Variants in ACBD5 observed in about 807,000 individuals in gnomAD.
ACBD5 encodes the protein acyl-CoA binding domain containing 5.
Under a neutral mutation model 71.8 loss-of-function variants are expected in ACBD5, and 40 were observed. The observed-to-expected ratio is 0.56, with a 90% CI of 0.43 to 0.72. ACBD5 has a LOEUF of 0.72. ACBD5 is among the 30% of genes least tolerant of loss of function. ACBD5 has a pLI of 0.00. For missense variants in ACBD5, 559 were observed against 644.5 expected, an observed-to-expected ratio of 0.87 and a Z score of 1.44; for synonymous variants, 229 against 218.6, an observed-to-expected ratio of 1.05 and a Z score of -0.42.
chr10:27,240,505 G>C lies in ACBD5; in HGVS notation c.16-21C>G, dbSNP rs2065349346. ...TGAAACTGGAACATGGAGCGCAGCC[G>C]CGGATCAACATGCCCCAAAAGGAGG... On this transcript the variant is annotated intron_variant, in intron 1 of 12. Transcript: ENST00000396271. This position sits in a 1 kb window ranked among gnomAD's most constrained non-coding sequence, Gnocchi z 4.1. The C allele has an allele frequency of 1.3e-6, 2 of 1,585,692 alleles. No individual in the cohort carries two copies. Among genetic ancestry groups the C allele is most frequent in the Middle Eastern group, 1.7e-4 (1 of 6,026 alleles).
At chr10:27,225,140 A>G (rs2479910) in intron 4 of ACBD5, among the ~76,000 whole-genome samples, 148,835 of 149,782 alleles carry the variant, frequency 0.99, 73,952 homozygotes, top group Middle Eastern at 1. Flanking sequence ...GTGCAGCGGC[A>G]CGATCTCGGC....
chr10:27,226,745 G>C (rs367926151), intron 4 of ACBD5, among the ~76,000 whole-genome samples: 1 of 151,678 alleles, frequency 6.6e-6, no homozygotes, highest in African/African-American at 2.4e-5. Context: ...TCTGCCTCTG[G>C]GGTTCAAGCA....
rs998667133 is a variant in ACBD5, at chr10:27,196,878, G to A, written c.*552C>T. ...AAACTCAAGAGTTGTGAATGCCCAA[G>A]AAAGATTATGGGCAGCCCACAAAGT... is the stretch of plus-strand genomic sequence containing the variant. On this transcript the variant is annotated 3_prime_UTR_variant, in exon 13 of 13. Coordinates refer to ENST00000396271, the MANE Select transcript of ACBD5 (RefSeq NM_145698.5). 1.5e-5 allele frequency: 7 copies of A among 453,962 alleles called. No homozygotes were observed. Among genetic ancestry groups the A allele is most frequent in the Non-Finnish European group, 2.6e-5 (6 of 226,790 alleles). The allele number at this position is 453,962 out of a possible 1,614,324, so 28.1% of individuals were successfully genotyped here.
At chr10:27,191,621 C>T (rs183189069), downstream of ACBD5, among the ~76,000 whole-genome samples, 2 of 152,294 alleles carry the variant, frequency 1.3e-5, no homozygotes, top group Admixed American at 1.3e-4. Flanking sequence ...CGGTGGCTCA[C>T]GCCTGTAAGC....
intron 9 of ACBD5, among the ~76,000 whole-genome samples, chr10:27,209,174 C>T (rs1589086232): frequency 6.6e-6 from 1 of 152,014 alleles, no homozygotes; most frequent in East Asian, 1.9e-4. Flanking sequence ...ATCCACCTGC[C>T]CTGGACTCCC....
intron 3 of ACBD5, among the ~76,000 whole-genome samples, chr10:27,233,038 G>A (rs559285867): frequency 6.6e-6 from 1 of 152,248 alleles, no homozygotes; most frequent in Admixed American, 6.5e-5. Flanking sequence ...TTAAAGGAAA[G>A]TAGAGAACTA....
At chr10:27,192,031 G>T (rs997384227), downstream of ACBD5, among the ~76,000 whole-genome samples, 4 of 151,916 alleles carry the variant, frequency 2.6e-5, no homozygotes, top group Non-Finnish European at 1.5e-5. Flanking sequence ...AAATACAAAA[G>T]ATTTTTAAAA....
At chr10:27,232,563 T>A (rs950011191) in intron 3 of ACBD5, among the ~76,000 whole-genome samples, 1 of 152,064 alleles carries the variant, frequency 6.6e-6, no homozygotes, top group Admixed American at 6.6e-5. Context: ...CCTAACCTCA[T>A]GTGATCCACT....
downstream of ACBD5, among the ~76,000 whole-genome samples, chr10:27,194,865 A>G (rs558504467): frequency 2.7e-5 from 4 of 150,730 alleles, no homozygotes; most frequent in South Asian, 2.1e-4. Flanking sequence ...GAGTGGTGGC[A>G]CGTGCCTGTA....
At chr10:27,199,252 G>A (rs773544449) in intron 12 of ACBD5, among the ~76,000 whole-genome samples, 5 of 150,618 alleles carry the variant, frequency 3.3e-5, no homozygotes, top group South Asian at 2.1e-4. Flanking sequence ...GCAGTGGCGC[G>A]CGACCTCGGC....
At position 27,204,524 on chromosome 10, in the gene ACBD5, A is replaced by G. The variant is rs984349329; in HGVS notation, c.1481T>C (p.Met494Thr). 1.9e-6 allele frequency: 3 copies of G among 1,614,102 alleles called. No homozygotes were observed. The highest frequency in any genetic ancestry group is 2.2e-5 in the South Asian group (2 of 91,086). Residue 494 changes from methionine (M) to threonine (T), a missense_variant, in exon 12 of 13, where the codon ATG becomes ACG. Met to Thr is a moderately conservative substitution (Grantham distance 81). Transcript: ENST00000396271. ...GGCAAACGTTAGCACACCAGGAGAC[A>G]TCTCGAAGGGCCACCAAGATGGTCT... is the stretch of plus-strand genomic sequence containing the variant. ...SQRPSWWPFE[M>T]SPGVLTFAII... is the part of the protein sequence containing the mutation.
downstream of ACBD5, among the ~76,000 whole-genome samples, chr10:27,194,405 G>A (rs1333920558): frequency 6.6e-6 from 1 of 150,380 alleles, no homozygotes; most frequent in African/African-American, 2.4e-5. Flanking sequence ...GAGGTCAGGA[G>A]TTCAAGACCA....
chr10:27,186,272 A>G lies in ACBD5; in HGVS notation c.1494-3557T>C. ...AATGTCTGTGAAACTGACATAATAA[A>G]GTAAGGTAAGTTATATGTGAGACAT... On this transcript the variant is annotated intron_variant, in intron 13 of 13. Transcript: ENST00000676511. 8 of 1,139,018 alleles carry G rather than the reference A, an allele frequency of 7.0e-6. No homozygotes were observed. The Admixed American group carries it at 1.5e-4, about 21-fold the overall frequency. 70.6% of individuals were successfully genotyped at this position (1,139,018 alleles called of 1,614,324 possible).
At chr10:27,231,531 A>G (rs1220522827) in intron 4 of ACBD5, among the ~76,000 whole-genome samples, 3 of 152,232 alleles carry the variant, frequency 2.0e-5, no homozygotes, top group African/African-American at 7.2e-5. Context: ...CAAAAACAAA[A>G]TAAAACATCA....
chr10:27,198,741 T>A (rs1267074508), intron 12 of ACBD5, among the ~76,000 whole-genome samples: 3 of 152,130 alleles, frequency 2.0e-5, no homozygotes, highest in African/African-American at 7.2e-5. Context: ...AGCTTCAGGG[T>A]GCCTGAACAA....
intron 3 of ACBD5, among the ~76,000 whole-genome samples, chr10:27,234,293 A>G (rs750548566): frequency 7.9e-5 from 12 of 152,172 alleles, no homozygotes; most frequent in Non-Finnish European, 1.6e-4. Context: ...ATAAAAGATC[A>G]AATTTCTATT....
At chr10:27,198,132 T>C (rs2059543030) in intron 12 of ACBD5, among the ~76,000 whole-genome samples, 2 of 152,326 alleles carry the variant, frequency 1.3e-5, no homozygotes, top group Admixed American at 6.5e-5. Flanking sequence ...GAGTATTCAC[T>C]TAATCAACAT....
intron 4 of ACBD5, among the ~76,000 whole-genome samples, chr10:27,225,232 CT>C (rs1235512719): frequency 2.6e-5 from 4 of 152,074 alleles, no homozygotes; most frequent in Non-Finnish European, 4.4e-5. Context: ...ATTTGCCCAC[CT>C]CGGCCTCCCA....
intron 4 of ACBD5, among the ~76,000 whole-genome samples, chr10:27,225,934 G>T (rs1023916100): frequency 2.6e-5 from 4 of 151,956 alleles, no homozygotes; most frequent in Non-Finnish European, 5.9e-5. Context: ...TATTTTTAAG[G>T]CTACTAAATT....
Sources: allele counts gnomAD v4.1 joint callset (sites outside exome capture counted in the v4.1 genomes callset), GRCh38; gene constraint gnomAD v4.1.1; non-coding constraint Gnocchi (gnomAD v3.1); transcripts MANE v1.5; gene names NCBI Gene and HGNC (gene_info 2026-07-23, HGNC 2026-07-21).